CTNNA3: variants seen among roughly 807,000 people sequenced by gnomAD.
CTNNA3 encodes catenin alpha 3.
A neutral mutation model predicts 95.7 loss-of-function variants in CTNNA3; 76 were observed. That is an observed-to-expected ratio of 0.79 (90% CI 0.66 to 0.96). CTNNA3 has a LOEUF of 0.96. Among genes scored for constraint, CTNNA3 ranks in the 40% least tolerant of loss-of-function variants. The pLI, the probability that CTNNA3 is intolerant of heterozygous loss-of-function variation, is 0.00. For missense variants in CTNNA3, 1,191 were observed against 1,089.8 expected (o/e 1.09, Z -1.31); for synonymous variants, 431 against 374.4 (o/e 1.15, Z -1.74).
rs1269573475 is a variant in CTNNA3, at chr10:67,034,231, C to A, written c.1047+146086G>T. The stretch of plus-strand genomic sequence containing the variant: ...TTGCCAGGGCAACCGGGATCACTTT[C>A]TTTAACCACACTGGAGCTTATTCTG... On this transcript the variant is annotated intron_variant, in intron 7 of 17. Coordinates refer to ENST00000433211, the MANE Select transcript of CTNNA3 (RefSeq NM_013266.4). Among the ~76,000 whole-genome samples, 4 of 152,194 alleles carry A rather than the reference C, an allele frequency of 2.6e-5. No homozygotes were observed. The South Asian group carries it at 6.2e-4, about 24-fold the overall frequency.
intron 9 of CTNNA3, among the ~76,000 whole-genome samples, chr10:66,718,592 A>G (rs1482523058): frequency 6.6e-6 from 1 of 150,550 alleles, no homozygotes; most frequent in Non-Finnish European, 1.5e-5. Flanking sequence ...TTTATGGTAA[A>G]TAAATTTATA....
At chr10:66,308,163 A>C (rs1458035739) in intron 12 of CTNNA3, among the ~76,000 whole-genome samples, 10 of 152,208 alleles carry the variant, frequency 6.6e-5, no homozygotes, top group Admixed American at 2.0e-4. Flanking sequence ...ATGCCATCAG[A>C]TAACATTTTA....
At chr10:67,366,545 G>A (rs375189480) in intron 5 of CTNNA3, among the ~76,000 whole-genome samples, 1 of 152,110 alleles carries the variant, frequency 6.6e-6, no homozygotes, top group Non-Finnish European at 1.5e-5. Context: ...GGAGGGTGAG[G>A]CAGGAGAATT....
intron 7 of CTNNA3, among the ~76,000 whole-genome samples, chr10:66,781,604 G>GAAATGAGGT (rs1197193264): frequency 6.6e-6 from 1 of 152,166 alleles, no homozygotes; most frequent in Non-Finnish European, 1.5e-5. Flanking sequence ...TCTGAGTTTT[G>GAAATGAGGT]AAATGAGGTT....
At chr10:66,512,692 C>G (rs12250608) in intron 11 of CTNNA3, among the ~76,000 whole-genome samples, 1 of 151,924 alleles carries the variant, frequency 6.6e-6, no homozygotes. Context: ...TTCAGTTTAA[C>G]AGTGATTAAT....
rs200299248 is a variant in CTNNA3 at position 65,998,051 on chromosome 10, G to A, written c.2160-9254C>T. On this transcript the variant is annotated intron_variant, in intron 15 of 17. Coordinates refer to ENST00000433211, the MANE Select transcript of CTNNA3 (RefSeq NM_013266.4). Reference sequence around the variant, plus strand: ...AAAAGAACTATATCATAATAGTTGAGTATAATATAAAGCTGGAGTCATGTT... The same window carrying A: ...AAAAGAACTATATCATAATAGTTGAATATAATATAAAGCTGGAGTCATGTT... Among the ~76,000 whole-genome samples the A allele has an allele frequency of 4.6e-5, 7 of 152,144 alleles. No individual in the cohort carries two copies. In the East Asian group the frequency reaches 1.2e-3, roughly 25 times the overall value.
At chr10:65,983,959 T>C (rs1164838528) in intron 16 of CTNNA3, among the ~76,000 whole-genome samples, 1 of 151,366 alleles carries the variant, frequency 6.6e-6, no homozygotes, top group East Asian at 1.9e-4. Flanking sequence ...TTTCTACATG[T>C]GAACTTTAAC....
chr10:66,926,077 A>AG lies in CTNNA3; in HGVS notation c.1048-150554dup, dbSNP rs1470360216. 6 of 457,634 alleles carry AG rather than the reference A, an allele frequency of 1.3e-5. No homozygotes were observed. In the East Asian group the frequency reaches 4.2e-4, roughly 32 times the overall value. 28.3% of individuals were successfully genotyped at this position (457,634 alleles called of 1,614,324 possible). On this transcript the variant is annotated intron_variant, in intron 7 of 17. Coordinates refer to ENST00000433211, the MANE Select transcript of CTNNA3 (RefSeq NM_013266.4). Reference sequence around the variant, plus strand: ...TTCAGAATGACAGTCTGCAGAAGTGAGCTGAGCGTGTGCGCGGTACGGGGC... The same window carrying AG: ...TTCAGAATGACAGTCTGCAGAAGTGAGGCTGAGCGTGTGCGCGGTACGGGGC...
At chr10:66,037,920 A>G (rs1340437661) in intron 15 of CTNNA3, among the ~76,000 whole-genome samples, 2 of 152,292 alleles carry the variant, frequency 1.3e-5, no homozygotes, top group Admixed American at 6.5e-5. Flanking sequence ...ATTAGAAATG[A>G]CACAACACAG....
intron 7 of CTNNA3, among the ~76,000 whole-genome samples, chr10:66,939,923 A>G (rs192947530): frequency 6.6e-6 from 1 of 152,228 alleles, no homozygotes; most frequent in East Asian, 1.9e-4. Context: ...TATCCACTTC[A>G]TGGTTTCACT....
At chr10:66,762,219 G>A (rs945282547) in intron 9 of CTNNA3, among the ~76,000 whole-genome samples, 1 of 152,058 alleles carries the variant, frequency 6.6e-6, no homozygotes, top group Non-Finnish European at 1.5e-5. Context: ...CACCAACAAG[G>A]TGAGATCAAA....
chr10:66,124,337 C>T (rs972498198), intron 13 of CTNNA3, among the ~76,000 whole-genome samples: 2 of 152,210 alleles, frequency 1.3e-5, no homozygotes, highest in Non-Finnish European at 2.9e-5. Flanking sequence ...ACAAGTTCCT[C>T]ATCTCCATCT....
intron 10 of CTNNA3, among the ~76,000 whole-genome samples, chr10:66,591,121 T>C (rs187853727): frequency 3.3e-5 from 5 of 152,298 alleles, no homozygotes; most frequent in African/African-American, 1.2e-4. Flanking sequence ...GAACATCATC[T>C]GTATCATTTT....
chr10:67,216,461 T>C (rs1864365733), intron 6 of CTNNA3, among the ~76,000 whole-genome samples: 1 of 151,894 alleles, frequency 6.6e-6, no homozygotes, highest in African/African-American at 2.4e-5. Context: ...GAGAAAAAAA[T>C]AAGGGTAAGG....
intron 13 of CTNNA3, among the ~76,000 whole-genome samples, chr10:66,210,071 T>C (rs1426500701): frequency 6.6e-6 from 1 of 151,972 alleles, no homozygotes; most frequent in East Asian, 1.9e-4. Context: ...AGAAAATGCA[T>C]CGAACACACA....
At chr10:67,465,504 G>T (rs1847557252) in intron 5 of CTNNA3, among the ~76,000 whole-genome samples, 1 of 151,982 alleles carries the variant, frequency 6.6e-6, no homozygotes, top group Non-Finnish European at 1.5e-5. Context: ...CTGTTCAAAG[G>T]AAAAAATCCA....
intron 10 of CTNNA3, among the ~76,000 whole-genome samples, chr10:66,612,069 T>C (rs1844347621): frequency 6.6e-6 from 1 of 152,142 alleles, no homozygotes. Context: ...CAATTTCTTC[T>C]AATATAACCA....
chr10:67,624,916 A>G (rs1843978002), intron 2 of CTNNA3, among the ~76,000 whole-genome samples: 1 of 152,168 alleles, frequency 6.6e-6, no homozygotes, highest in Non-Finnish European at 1.5e-5. Context: ...ATGAATATTC[A>G]TATTGTCCAT....
chr10:67,526,212 A>G (rs1840139546), intron 4 of CTNNA3, among the ~76,000 whole-genome samples: 1 of 152,228 alleles, frequency 6.6e-6, no homozygotes, highest in Non-Finnish European at 1.5e-5. Context: ...ACAGAGAAAG[A>G]AATTATTTAA....
Sources: gnomAD v4.1 joint callset for allele counts (sites outside exome capture counted in the v4.1 genomes callset) on GRCh38, gnomAD v4.1.1 for gene constraint, MANE v1.5 for transcripts, NCBI Gene and HGNC (gene_info 2026-07-23, HGNC 2026-07-21) for gene names.